The following CTNND2 variants were observed in gnomAD, a reference collection of about 807,000 sequenced individuals.
CTNND2 encodes catenin delta-2.
In CTNND2, 22 loss-of-function variants were observed where a neutral mutation model predicts 144.4. The observed-to-expected ratio is 0.15, with a 90% CI of 0.11 to 0.22. The LOEUF (loss-of-function observed/expected upper bound fraction) is 0.22, where lower values mean the gene tolerates loss of function less well. Ranked by LOEUF, CTNND2 falls within the 10% of genes least tolerant of loss-of-function variation. The pLI, the probability that CTNND2 is intolerant of heterozygous loss-of-function variation, is 1.00. For missense variants in CTNND2, 1,353 were observed against 1,618.8 expected (o/e 0.84, Z 2.82); for synonymous variants, 751 against 695.6 (o/e 1.08, Z -1.25).
chr5:11,163,793 A>G (rs1194333936), intron 11 of CTNND2, among the ~76,000 whole-genome samples: 1 of 152,240 alleles, frequency 6.6e-6, no homozygotes, highest in East Asian at 1.9e-4. Flanking sequence ...ATGCATTTTA[A>G]GTGACAAGTA....
intron 9 of CTNND2, among the ~76,000 whole-genome samples, chr5:11,238,421 C>T (rs903458931): frequency 6.6e-6 from 1 of 152,158 alleles, no homozygotes; most frequent in African/African-American, 2.4e-5. Flanking sequence ...GAAGAGAAGA[C>T]ATGAAAAATG....
intron 3 of CTNND2, among the ~76,000 whole-genome samples, chr5:11,443,994 TCAA>T: frequency 6.6e-6 from 1 of 152,212 alleles, no homozygotes; most frequent in Non-Finnish European, 1.5e-5. Context: ...TATGGATGAA[TCAA>T]GTCATTAATT....
At chr5:11,401,208 A>G (rs1760622407) in intron 5 of CTNND2, among the ~76,000 whole-genome samples, 1 of 152,214 alleles carries the variant, frequency 6.6e-6, no homozygotes, top group African/African-American at 2.4e-5. Flanking sequence ...TAACACAGAC[A>G]CAATATGGCC....
At chr5:11,702,309 C>T (rs1163290689) in intron 2 of CTNND2, among the ~76,000 whole-genome samples, 2 of 152,170 alleles carry the variant, frequency 1.3e-5, no homozygotes, top group African/African-American at 4.8e-5. Context: ...CTGATTTTAG[C>T]TCCCAGTTTA....
At chr5:11,382,052 C>A (rs1758542598) in intron 7 of CTNND2, among the ~76,000 whole-genome samples, 1 of 152,188 alleles carries the variant, frequency 6.6e-6, no homozygotes, top group Admixed American at 6.5e-5. Context: ...ACAGGATCAA[C>A]TGTACCCCAA....
intron 11 of CTNND2, among the ~76,000 whole-genome samples, chr5:11,197,961 GA>G (rs1433516500): frequency 9.2e-5 from 14 of 152,200 alleles, no homozygotes; most frequent in Non-Finnish European, 2.1e-4. Context: ...GGTGTACACA[GA>G]AGGTGCTCTG....
chr5:11,557,397 C>A (rs768322297), intron 3 of CTNND2, among the ~76,000 whole-genome samples: 2 of 152,118 alleles, frequency 1.3e-5, no homozygotes, highest in African/African-American at 4.8e-5. Flanking sequence ...CAAGTTATTA[C>A]CTGAATTCAA....
intron 9 of CTNND2, among the ~76,000 whole-genome samples, chr5:11,308,250 T>A (rs1011050744): frequency 1.3e-5 from 2 of 151,910 alleles, no homozygotes; most frequent in Admixed American, 6.6e-5. Context: ...AAGCAAGCTA[T>A]CTATTCAATT....
intron 2 of CTNND2, among the ~76,000 whole-genome samples, chr5:11,683,684 G>A (rs922253010): frequency 2.6e-5 from 4 of 152,142 alleles, no homozygotes; most frequent in African/African-American, 9.7e-5. Context: ...TTTAAGTGAA[G>A]GCAAATATTC....
In CTNND2 at chr5:11,082,755, C is replaced by T; in HGVS notation, c.2729G>A (p.Cys910Tyr). Residue 910 changes from cysteine to tyrosine, a missense_variant, in exon 16 of 22, where the codon TGC (cysteine) becomes TAC (tyrosine). Coordinates refer to ENST00000304623, the MANE Select transcript of CTNND2 (RefSeq NM_001332.4). ...LLRIDNDRVV[C>Y]AVATALRNMA... ...GTTCCGCAGCGCAGTGGCCACCGCG[C>T]ACACCACACGGTCATTGTCTATTCG... 6.2e-7 allele frequency: 1 copy of T among 1,614,168 alleles called. No homozygotes were observed. The highest frequency in any genetic ancestry group is 8.5e-7 in the Non-Finnish European group (1 of 1,180,030).
At chr5:11,110,256 CCAT>C (rs1752829533) in intron 14 of CTNND2, among the ~76,000 whole-genome samples, 1 of 152,066 alleles carries the variant, frequency 6.6e-6, no homozygotes, top group Non-Finnish European at 1.5e-5. Flanking sequence ...CAGGTGAGGG[CCAT>C]TCTGTTCTCA....
intron 3 of CTNND2, among the ~76,000 whole-genome samples, chr5:11,511,047 C>A (rs940649412): frequency 6.6e-6 from 1 of 152,146 alleles, no homozygotes; most frequent in Non-Finnish European, 1.5e-5. Flanking sequence ...TTCCATAATG[C>A]GTACTATGTC....
At chr5:11,672,775 A>G (rs1561680166) in intron 2 of CTNND2, among the ~76,000 whole-genome samples, 1 of 151,952 alleles carries the variant, frequency 6.6e-6, no homozygotes, top group Non-Finnish European at 1.5e-5. Flanking sequence ...GGTTGTGAAG[A>G]CCTTGGGAAA....
intron 2 of CTNND2, among the ~76,000 whole-genome samples, chr5:11,613,805 G>A (rs1435477836): frequency 1.3e-5 from 2 of 152,162 alleles, no homozygotes; most frequent in South Asian, 4.1e-4. Flanking sequence ...ATGATGGTTA[G>A]TACATGTCTG....
At chr5:11,799,579 CT>C (rs1168796091) in intron 1 of CTNND2, among the ~76,000 whole-genome samples, 1 of 152,212 alleles carries the variant, frequency 6.6e-6, no homozygotes, top group African/African-American at 2.4e-5. Context: ...AATATACAGA[CT>C]TTTTTGTGGA....
chr5:11,676,905 T>C (rs1784202823), intron 2 of CTNND2, among the ~76,000 whole-genome samples: 1 of 152,216 alleles, frequency 6.6e-6, no homozygotes, highest in Admixed American at 6.5e-5. Context: ...TACCATTCAA[T>C]TATATTTAAG....
intron 1 of CTNND2, among the ~76,000 whole-genome samples, chr5:11,893,069 C>A (rs1233433613): frequency 6.6e-6 from 1 of 152,196 alleles, no homozygotes; most frequent in African/African-American, 2.4e-5. Context: ...TTCTGTAGGT[C>A]TAACTGCACT....
chr5:11,335,738 A>C (rs1196925061), intron 9 of CTNND2, among the ~76,000 whole-genome samples: 1 of 152,128 alleles, frequency 6.6e-6, no homozygotes, highest in African/African-American at 2.4e-5. Flanking sequence ...TAACAAAAGG[A>C]CCAGAGCCTA....
chr5:11,113,895 G>T (rs1753281196), intron 13 of CTNND2, among the ~76,000 whole-genome samples: 1 of 152,158 alleles, frequency 6.6e-6, no homozygotes, highest in Admixed American at 6.5e-5. Context: ...TATTACCGAG[G>T]GCATGAAAAC....
Sources: allele counts gnomAD v4.1 joint callset (sites outside exome capture counted in the v4.1 genomes callset), GRCh38; gene constraint gnomAD v4.1.1; transcripts MANE v1.5; gene names NCBI Gene and HGNC (gene_info 2026-07-23, HGNC 2026-07-21).